Variants in PGBD2 observed in about 807,000 individuals in gnomAD.
PGBD2 encodes piggyBac transposable element derived 2.
Under a neutral mutation model 8.1 loss-of-function variants are expected in PGBD2, and 6 were observed. That is an observed-to-expected ratio of 0.74 (90% CI 0.40 to 1.46). PGBD2 has a LOEUF of 1.46. PGBD2 is among the 40% of genes most tolerant of loss of function. PGBD2 has a pLI of 0.02. For synonymous variants in PGBD2, 318 were observed against 272.2 expected, an observed-to-expected ratio of 1.17 and a Z score of -1.66; for missense variants, 802 against 739.0, an observed-to-expected ratio of 1.09 and a Z score of -0.99.
chr1:248,925,455 A>T, the PGBD2 span, among the ~76,000 whole-genome samples: 2 of 152,108 alleles, frequency 1.3e-5, no homozygotes, highest in Admixed American at 6.5e-5. Flanking sequence ...GACTCCCTTT[A>T]TGGTCCTCAC....
chr1:248,890,555 T>C, the PGBD2 span, among the ~76,000 whole-genome samples: 2 of 151,914 alleles, frequency 1.3e-5, no homozygotes, highest in Non-Finnish European at 2.9e-5. Context: ...AAGTAATCCA[T>C]GTCATGAAAG....
chr1:248,882,777 G>A, the PGBD2 span, among the ~76,000 whole-genome samples: 1 of 152,186 alleles, frequency 6.6e-6, no homozygotes, highest in Non-Finnish European at 1.5e-5. Flanking sequence ...CTCTCTGCAG[G>A]GGGAAGCACA....
At chr1:248,907,730 C>A (rs2103102553) in intron 1 of PGBD2, among the ~76,000 whole-genome samples, 1 of 152,300 alleles carries the variant, frequency 6.6e-6, no homozygotes, top group South Asian at 2.1e-4. Context: ...ACCTTGATTC[C>A]ATACAACACA....
chr1:248,917,247 T>G lies in PGBD2; in HGVS notation c.663T>G (p.Phe221Leu), dbSNP rs1489087134. ...LVADAIRRDR[F>L]ELIFSYLHFA... is the part of the protein sequence containing the mutation. ...CTGATGCAATTAGAAGGGACAGATT[T>G]GAACTAATCTTCTCATACTTACATT... The change falls in exon 3 of 3, where the codon TTT becomes TTG. Residue 221 changes from phenylalanine to leucine, a missense_variant. Phe to Leu is a conservative substitution (Grantham distance 22). Coordinates refer to ENST00000329291, the MANE Select transcript of PGBD2 (RefSeq NM_170725.3). 6.2e-7 allele frequency: 1 copy of G among 1,614,168 alleles called. No homozygotes were observed. Among genetic ancestry groups the G allele is most frequent in the Admixed American group, 1.7e-5 (1 of 60,022 alleles).
chr1:248,925,264 C>T, the PGBD2 span, among the ~76,000 whole-genome samples: 15 of 152,184 alleles, frequency 9.9e-5, no homozygotes, highest in South Asian at 1.0e-3. Context: ...GTTCAGAAGC[C>T]GAGATCCTGC....
the PGBD2 span, among the ~76,000 whole-genome samples, chr1:248,876,385 A>G: frequency 0.039 from 5,874 of 152,216 alleles, 375 homozygotes; most frequent in African/African-American, 0.13. Context: ...GTTAATTAGA[A>G]CAGGTTCTCA....
chr1:248,922,933 C>G (rs1358345277), downstream of PGBD2, among the ~76,000 whole-genome samples: 1 of 152,180 alleles, frequency 6.6e-6, no homozygotes, highest in Non-Finnish European at 1.5e-5. Flanking sequence ...TTTCTTGTGT[C>G]TCTGCCAGGT....
chr1:248,890,877 C>T, the PGBD2 span, among the ~76,000 whole-genome samples: 1 of 151,266 alleles, frequency 6.6e-6, no homozygotes. Context: ...AGCCCCCCAT[C>T]ACACTGCAGA....
intron 1 of PGBD2, among the ~76,000 whole-genome samples, chr1:248,912,102 G>A (rs367928253): frequency 1.3e-5 from 2 of 152,310 alleles, no homozygotes; most frequent in South Asian, 2.1e-4. Flanking sequence ...GGTCCCTGTG[G>A]TGCTGAGATA....
the PGBD2 span, among the ~76,000 whole-genome samples, chr1:248,876,215 C>T: frequency 0.035 from 5,266 of 152,134 alleles, 289 homozygotes; most frequent in African/African-American, 0.12. Flanking sequence ...TCCACATTGG[C>T]CAGGCTGTTC....
At chr1:248,885,845 T>C in the PGBD2 span, among the ~76,000 whole-genome samples, 3 of 152,230 alleles carry the variant, frequency 2.0e-5, no homozygotes, top group Non-Finnish European at 4.4e-5. Context: ...TGCATTTGAA[T>C]AACCTGCTAC....
upstream of PGBD2, among the ~76,000 whole-genome samples, chr1:248,901,457 C>G (rs148621862): frequency 6.7e-3 from 1,027 of 152,250 alleles, 15 homozygotes; most frequent in African/African-American, 0.023. Flanking sequence ...ACTATCTGAT[C>G]TTTGATAAAC....
At chr1:248,874,374 A>G in the PGBD2 span, among the ~76,000 whole-genome samples, 1 of 152,208 alleles carries the variant, frequency 6.6e-6, no homozygotes, top group Non-Finnish European at 1.5e-5. Context: ...ATGTTCCCAG[A>G]GTCAGCTATG....
the PGBD2 span, among the ~76,000 whole-genome samples, chr1:248,877,272 G>C: frequency 5.6e-4 from 85 of 152,266 alleles, no homozygotes; most frequent in African/African-American, 1.6e-3. Flanking sequence ...CCATCATAGA[G>C]TGAAGTTTCC....
At chr1:248,873,063 A>G in the PGBD2 span, among the ~76,000 whole-genome samples, 1 of 152,140 alleles carries the variant, frequency 6.6e-6, no homozygotes, top group African/African-American at 2.4e-5. Flanking sequence ...CAGCTCACCA[A>G]GTTGGGGCTT....
the PGBD2 span, among the ~76,000 whole-genome samples, chr1:248,893,769 G>A: frequency 6.6e-6 from 1 of 152,000 alleles, no homozygotes; most frequent in African/African-American, 2.4e-5. Flanking sequence ...TGTTATTGCT[G>A]GATTATTTGA....
In PGBD2 at chr1:248,917,136, C is replaced by T. The variant is rs1181437687; in HGVS notation, c.552C>T (p.Gly184=). The change falls in exon 3 of 3, where the codon GGC becomes GGT. Residue 184 remains glycine, a synonymous_variant. Coordinates refer to ENST00000329291, the MANE Select transcript of PGBD2 (RefSeq NM_170725.3). ...LTAQELKCVL[G]ILILSGYISY... Reference sequence around the variant, plus strand: ...CTCAGGAATTGAAGTGTGTTTTGGGCATTTTGATTTTAAGTGGGTACATCT... The same window carrying T: ...CTCAGGAATTGAAGTGTGTTTTGGGTATTTTGATTTTAAGTGGGTACATCT... 1.2e-6 allele frequency: 2 copies of T among 1,613,868 alleles called. No individual in the cohort carries two copies. Among genetic ancestry groups the T allele is most frequent in the Non-Finnish European group, 1.7e-6 (2 of 1,180,022 alleles).
chr1:248,880,327 A>G, the PGBD2 span, among the ~76,000 whole-genome samples: 3 of 152,210 alleles, frequency 2.0e-5, no homozygotes, highest in African/African-American at 7.2e-5. Context: ...GAAAAGGCAT[A>G]TGACATTTTT....
downstream of PGBD2, chr1:248,920,041 T>C (rs369871248): frequency 3.8e-4 from 58 of 152,256 alleles, no homozygotes; most frequent in African/African-American, 1.3e-3. Context: ...CACACCCGGC[T>C]AATTTTTCTA....
Sources: allele counts gnomAD v4.1 joint callset (sites outside exome capture counted in the v4.1 genomes callset), GRCh38; gene constraint gnomAD v4.1.1; transcripts MANE v1.5; gene names NCBI Gene and HGNC (gene_info 2026-07-23, HGNC 2026-07-21).